Variants in MMP26 observed in about 807,000 individuals in gnomAD.
The protein encoded by MMP26 is matrix metalloproteinase-26.
Under a neutral mutation model 31.0 loss-of-function variants are expected in MMP26, and 33 were observed. The ratio of observed to expected loss-of-function variants is 1.06; its 90% CI spans 0.81 to 1.42. MMP26 has a LOEUF of 1.42. Among genes scored for constraint, MMP26 ranks in the 40% most tolerant of loss-of-function variants. MMP26 has a pLI of 0.00. For missense variants in MMP26, 347 were observed against 316.1 expected (o/e 1.10, Z -0.74); for synonymous variants, 122 against 114.9 (o/e 1.06, Z -0.40).
chr11:4,922,427 G>C (rs1851199427), intron 2 of MMP26, among the ~76,000 whole-genome samples: 1 of 152,064 alleles, frequency 6.6e-6, no homozygotes, highest in African/African-American at 2.4e-5. Context: ...TATGTATCTA[G>C]ATATATGTGA....
At chr11:4,736,007 A>G (rs1208569544) in intron 1 of MMP26, among the ~76,000 whole-genome samples, 1 of 152,150 alleles carries the variant, frequency 6.6e-6, no homozygotes, top group African/African-American at 2.4e-5. Flanking sequence ...TATTAAATAT[A>G]AAGAATAAAT....
At chr11:4,812,597 T>C (rs893079181) in intron 2 of MMP26, among the ~76,000 whole-genome samples, 1 of 152,212 alleles carries the variant, frequency 6.6e-6, no homozygotes, top group African/African-American at 2.4e-5. Flanking sequence ...ATCCAGTATG[T>C]TGCAGGTGCA....
intron 1 of MMP26, 24 bp from the exon 2 acceptor site, chr11:4,767,246 A>G (rs971374857): frequency 3.3e-5 from 5 of 152,292 alleles, no homozygotes; most frequent in Admixed American, 3.3e-4. Flanking sequence ...ATTGTCATAT[A>G]ATATTTCTTC....
At chr11:4,836,973 T>A (rs114849326) in intron 2 of MMP26, among the ~76,000 whole-genome samples, 2,822 of 152,030 alleles carry the variant, frequency 0.019, 79 homozygotes, top group African/African-American at 0.062. Context: ...TTTAGAGCAA[T>A]ATATGAAACA....
At chr11:4,990,535 T>A in intron 4 of MMP26, 63 bp from the exon 5 acceptor site, 1 of 1,446,888 alleles carries the variant, frequency 6.9e-7, no homozygotes, top group Non-Finnish European at 9.4e-7. Context: ...GAATTATTCA[T>A]GTTTAGAGCT....
At chr11:4,988,338 T>G (rs1846937588) in intron 3 of MMP26, 28 bp downstream of exon 3, 1 of 1,563,986 alleles carries the variant, frequency 6.4e-7, no homozygotes, top group Non-Finnish European at 8.8e-7. Context: ...GACCACATTA[T>G]TACATGGTGA....
At chr11:4,948,620 C>T (rs1413810043) in intron 2 of MMP26, among the ~76,000 whole-genome samples, 1 of 123,798 alleles carries the variant, frequency 8.1e-6, no homozygotes, top group African/African-American at 2.7e-5. Context: ...AGTTGCAAAT[C>T]TTTGCAACAG....
chr11:4,859,990 G>T, intron 2 of MMP26: 1 of 471,120 alleles, frequency 2.1e-6, no homozygotes, highest in South Asian at 1.5e-5. Context: ...GCGGGTGCTG[G>T]CACAAGCTAG....
intron 2 of MMP26, chr11:4,769,909 G>T (rs535852807): frequency 3.1e-6 from 5 of 1,587,808 alleles, no homozygotes; most frequent in African/African-American, 1.3e-5. Context: ...AGTTGCTTAG[G>T]ATTTCCATGG....
At chr11:4,988,553 AG>A (rs1297991583) in intron 3 of MMP26, among the ~76,000 whole-genome samples, 1 of 152,122 alleles carries the variant, frequency 6.6e-6, no homozygotes, top group African/African-American at 2.4e-5. Context: ...TGCCTAATTC[AG>A]CCCCATTGCT....
chr11:4,807,031 C>A (rs1208888884), intron 2 of MMP26, among the ~76,000 whole-genome samples: 1 of 152,008 alleles, frequency 6.6e-6, no homozygotes, highest in African/African-American at 2.4e-5. Flanking sequence ...GGGGTGCTGG[C>A]CAAATCCCGG....
intron 2 of MMP26, chr11:4,804,018 C>T (rs372915441): frequency 8.1e-6 from 13 of 1,613,916 alleles, no homozygotes; most frequent in Non-Finnish European, 1.1e-5. Flanking sequence ...AGTCCAGGGC[C>T]ATAGCCATGA....
intron 2 of MMP26, among the ~76,000 whole-genome samples, chr11:4,829,359 A>T (rs1215003626): frequency 6.6e-6 from 1 of 152,180 alleles, no homozygotes; most frequent in Non-Finnish European, 1.5e-5. Flanking sequence ...ATTAACCTGA[A>T]GATGAAGTCA....
At chr11:4,929,777 T>G (rs573470869) in intron 2 of MMP26, among the ~76,000 whole-genome samples, 1 of 152,222 alleles carries the variant, frequency 6.6e-6, no homozygotes, top group South Asian at 2.1e-4. Flanking sequence ...TTCTAATTCA[T>G]TATGCAAAGT....
intron 2 of MMP26, among the ~76,000 whole-genome samples, chr11:4,930,910 T>G (rs1721080486): frequency 6.6e-6 from 1 of 152,020 alleles, no homozygotes; most frequent in Admixed American, 6.6e-5. Flanking sequence ...CAAATGTGTC[T>G]AATTGTTAAT....
chr11:4,932,046 T>A (rs1851356210), intron 2 of MMP26, among the ~76,000 whole-genome samples: 1 of 152,054 alleles, frequency 6.6e-6, no homozygotes, highest in African/African-American at 2.4e-5. Flanking sequence ...TAAGTCATAT[T>A]TGATGATCAG....
chr11:4,955,704 T>C (rs539289067), intron 2 of MMP26: 2 of 1,554,836 alleles, frequency 1.3e-6, no homozygotes, highest in African/African-American at 2.7e-5. Context: ...GATGTGTTGA[T>C]AATGGACATG....
intron 2 of MMP26, chr11:4,794,196 C>T (rs1849071456): frequency 6.6e-6 from 1 of 152,208 alleles, no homozygotes; most frequent in Non-Finnish European, 1.5e-5. Context: ...CAAGATCTAG[C>T]TGAGGCAGAA....
chr11:4,723,991 C>T (rs1848060008), intron 1 of MMP26: 4 of 722,310 alleles, frequency 5.5e-6, no homozygotes, highest in African/African-American at 1.7e-5. Flanking sequence ...GGTGATGCCT[C>T]CCATGCCGCT....
Sources: gnomAD v4.1 joint callset for allele counts (sites outside exome capture counted in the v4.1 genomes callset) on GRCh38, gnomAD v4.1.1 for gene constraint, MANE v1.5 for transcripts, NCBI Gene and HGNC (gene_info 2026-07-23, HGNC 2026-07-21) for gene names.